Variants in VTCN1 observed in about 807,000 individuals in gnomAD.
The protein encoded by VTCN1 is V-set domain-containing T-cell activation inhibitor 1.
Under a neutral mutation model 26.5 loss-of-function variants are expected in VTCN1, and 26 were observed. The ratio of observed to expected loss-of-function variants is 0.98; its 90% CI spans 0.72 to 1.36. VTCN1 has a LOEUF of 1.36. Ranked by LOEUF, VTCN1 falls within the 40% of genes most tolerant of loss-of-function variation. VTCN1 has a pLI of 0.00. For missense variants in VTCN1, 298 were observed against 337.7 expected (o/e 0.88, Z 0.92); for synonymous variants, 116 against 130.7 (o/e 0.89, Z 0.77).
intron 1 of VTCN1, among the ~76,000 whole-genome samples, chr1:117,190,066 C>T (rs937999560): frequency 1.3e-5 from 2 of 152,228 alleles, no homozygotes; most frequent in Non-Finnish European, 2.9e-5. Flanking sequence ...ACACACCACA[C>T]ACAAGTGCCT....
At chr1:117,187,747 G>T (rs935523788) in intron 1 of VTCN1, among the ~76,000 whole-genome samples, 6 of 151,738 alleles carry the variant, frequency 4.0e-5, no homozygotes, top group Admixed American at 6.6e-5. Flanking sequence ...TTCAACTGAG[G>T]TTCCAAGATA....
chr1:117,153,048 C>T (rs1651874357), intron 4 of VTCN1, 43 bp downstream of exon 4: 2 of 1,564,338 alleles, frequency 1.3e-6, no homozygotes, highest in African/African-American at 1.4e-5. Flanking sequence ...TTAGATTTTA[C>T]TCTTTCCCCA....
rs114153447 is a variant in VTCN1 at position 117,207,056 on chromosome 1, C to T, written c.32+3768G>A. Among the ~76,000 whole-genome samples, 492 of 152,280 alleles carry T rather than the reference C, an allele frequency of 3.2e-3. 1 individual carries two copies. Among genetic ancestry groups the T allele is most frequent in the Middle Eastern group, 0.01 (3 of 294 alleles). ...AAGCAAGATTTTCTTACCAGACAAGCTTCCATGGTGTTGCGAGGCACTGTT... is the reference window on the plus strand; with the variant it reads ...AAGCAAGATTTTCTTACCAGACAAGTTTCCATGGTGTTGCGAGGCACTGTT... On this transcript the variant is annotated intron_variant, in intron 1 of 5. Coordinates refer to ENST00000369458, the MANE Select transcript of VTCN1 (RefSeq NM_024626.4).
rs554140270 is a variant in VTCN1, at chr1:117,153,110, T to G, written c.705A>C (p.Thr235=). The change falls in exon 4 of 6, where the codon ACA becomes ACC. Residue 235 remains threonine, a synonymous_variant. Coordinates refer to ENST00000369458, the MANE Select transcript of VTCN1 (RefSeq NM_024626.4). ...ACCCACCTGTCACTTTGATATCCCC[T>G]GTTGCTTTGGCAATGTCATTTTCAA... ...CMIENDIAKA[T]GDIKVTESEI... 1.2e-6 allele frequency: 2 copies of G among 1,609,912 alleles called. No individual in the cohort carries two copies. Among genetic ancestry groups the G allele is most frequent in the Middle Eastern group, 1.9e-4 (1 of 5,140 alleles).
chr1:117,177,135 T>C (rs1245649207), intron 1 of VTCN1, among the ~76,000 whole-genome samples: 1 of 151,728 alleles, frequency 6.6e-6, no homozygotes, highest in African/African-American at 2.4e-5. Flanking sequence ...AAAAGAAGAT[T>C]AAAAGCGGGA....
intron 2 of VTCN1, 171 bp from the exon 3 acceptor site, chr1:117,157,092 GATATAT>G (rs145887761): frequency 1.0e-4 from 57 of 561,414 alleles, no homozygotes; most frequent in East Asian, 2.2e-4. Flanking sequence ...CAATCATTTT[GATATAT>G]ATATATATAT....
At chr1:117,162,946 A>T (rs949148429) in intron 2 of VTCN1, among the ~76,000 whole-genome samples, 1 of 152,252 alleles carries the variant, frequency 6.6e-6, no homozygotes, top group African/African-American at 2.4e-5. Context: ...TCAGAAAGAC[A>T]GGTTCGTACA....
chr1:117,202,161 T>A (rs1004083489), intron 1 of VTCN1, among the ~76,000 whole-genome samples: 23 of 152,238 alleles, frequency 1.5e-4, no homozygotes, highest in Non-Finnish European at 2.1e-4. Flanking sequence ...TCTCATACTG[T>A]TATATTCTGT....
intron 1 of VTCN1, among the ~76,000 whole-genome samples, chr1:117,191,054 G>A (rs1175929591): frequency 6.6e-6 from 1 of 152,046 alleles, no homozygotes; most frequent in East Asian, 1.9e-4. Context: ...AAAAAGAAGA[G>A]TTTAATAAAG....
In VTCN1 at chr1:117,207,616, T is replaced by C. The variant is rs1299137904; in HGVS notation, c.32+3208A>G. Among the ~76,000 whole-genome samples the C allele has an allele frequency of 2.0e-5, 3 of 152,124 alleles. No individual in the cohort carries two copies. In the East Asian group the frequency reaches 5.8e-4, roughly 29 times the overall value. On this transcript the variant is annotated intron_variant, in intron 1 of 5. Coordinates refer to ENST00000369458, the MANE Select transcript of VTCN1 (RefSeq NM_024626.4). Reference sequence around the variant, plus strand: ...TCCCCAGGCCTGACCTCTCCTAGTTTTAGCCTCATGCCCTCTGCTGCCCAG... The same window carrying C: ...TCCCCAGGCCTGACCTCTCCTAGTTCTAGCCTCATGCCCTCTGCTGCCCAG...
In VTCN1 at chr1:117,192,856, A is replaced by G. The variant is rs1648312532; in HGVS notation, c.32+17968T>C. 2.0e-5 allele frequency among the ~76,000 whole-genome samples: 3 copies of G among 152,200 alleles called. No homozygotes were observed. In the South Asian group the frequency reaches 6.2e-4, roughly 31 times the overall value. On this transcript the variant is annotated intron_variant, in intron 1 of 5. Coordinates refer to ENST00000369458, the MANE Select transcript of VTCN1 (RefSeq NM_024626.4). Reference sequence around the variant, plus strand: ...AAGACAGAAAGACAGAAGGAAAGAAACTTCAGACCACTTAGAAAACAATTA... The same window carrying G: ...AAGACAGAAAGACAGAAGGAAAGAAGCTTCAGACCACTTAGAAAACAATTA...
chr1:117,158,046 T>C (rs945473169), intron 2 of VTCN1, among the ~76,000 whole-genome samples: 3 of 152,232 alleles, frequency 2.0e-5, no homozygotes, highest in Admixed American at 2.0e-4. Flanking sequence ...GCTCCACCCC[T>C]GTGGCTTTGC....
intron 1 of VTCN1, among the ~76,000 whole-genome samples, chr1:117,177,327 C>A (rs996135138): frequency 6.6e-6 from 1 of 152,142 alleles, no homozygotes; most frequent in Non-Finnish European, 1.5e-5. Context: ...TTTTGCTTTG[C>A]TGAAGAATTC....
At chr1:117,157,726 C>T (rs1652163467) in intron 2 of VTCN1, among the ~76,000 whole-genome samples, 1 of 152,132 alleles carries the variant, frequency 6.6e-6, no homozygotes, top group South Asian at 2.1e-4. Context: ...TCCCAACAGT[C>T]CCCCAAAGTC....
intron 1 of VTCN1, among the ~76,000 whole-genome samples, chr1:117,173,824 G>T (rs1188267809): frequency 6.6e-6 from 1 of 152,268 alleles, no homozygotes; most frequent in African/African-American, 2.4e-5. Context: ...TTGCCAAGAA[G>T]AGGGGGGACA....
intron 1 of VTCN1, among the ~76,000 whole-genome samples, chr1:117,177,341 G>A (rs1647410198): frequency 6.6e-6 from 1 of 152,138 alleles, no homozygotes; most frequent in Non-Finnish European, 1.5e-5. Context: ...AGAATTCAAG[G>A]TGTAGAGTAT....
In VTCN1 at chr1:117,156,917, T is replaced by C. The variant is rs1248070021; in HGVS notation, c.102A>G (p.Arg34=). 6.2e-7 allele frequency: 1 copy of C among 1,613,860 alleles called. No individual in the cohort carries two copies. Among genetic ancestry groups the C allele is most frequent in the South Asian group, 1.1e-5 (1 of 91,068 alleles). The change falls in exon 3 of 6, where the codon AGA becomes AGG. Residue 34 remains arginine (R), a synonymous_variant. Coordinates refer to ENST00000369458, the MANE Select transcript of VTCN1 (RefSeq NM_024626.4). ...CGACAGTAGTGACTGTGATGGAGTG[T>C]CTCCCTGCAGTTCAGGAAGCAAAGA... ...ALIIGFGISG[R]HSITVTTVAS... is the part of the protein sequence containing the mutation.
At chr1:117,187,211 T>C (rs1647985741) in intron 1 of VTCN1, among the ~76,000 whole-genome samples, 1 of 145,182 alleles carries the variant, frequency 6.9e-6, no homozygotes, top group South Asian at 2.2e-4. Context: ...CTCGGGAGGC[T>C]GAGGTGTGAG....
rs1278515913 is a variant in VTCN1 at position 117,145,887 on chromosome 1, G to A, written c.*46-662C>T. Among the ~76,000 whole-genome samples, 1 of 152,120 alleles carries A rather than the reference G, an allele frequency of 6.6e-6. No homozygotes were observed. The highest frequency in any genetic ancestry group is 1.5e-5 in the Non-Finnish European group (1 of 68,014). ...GGGCTCAAGCAGTCCTCCCATCTTGGCCTCTCAAAGTGCTGGGGTTACAGG... is the reference window on the plus strand; with the variant it reads ...GGGCTCAAGCAGTCCTCCCATCTTGACCTCTCAAAGTGCTGGGGTTACAGG... On this transcript the variant is annotated intron_variant, in intron 5 of 5. Transcript: ENST00000369458. The surrounding 1 kb of genome is among the most constrained non-coding windows in gnomAD (Gnocchi z 4.6).
Sources: gnomAD v4.1 joint callset for allele counts (sites outside exome capture counted in the v4.1 genomes callset) on GRCh38, gnomAD v4.1.1 for gene constraint, Gnocchi (gnomAD v3.1) non-coding constraint, MANE v1.5 for transcripts, NCBI Gene and HGNC (gene_info 2026-07-23, HGNC 2026-07-21) for gene names.